The following DNAH11 variants were observed in gnomAD, a reference collection of about 807,000 sequenced individuals.
DNAH11 encodes dynein axonemal heavy chain 11.
Under a neutral mutation model 526.0 loss-of-function variants are expected in DNAH11, and 442 were observed. The ratio of observed to expected loss-of-function variants is 0.84; its 90% CI spans 0.78 to 0.91. The LOEUF (loss-of-function observed/expected upper bound fraction) is 0.91, where lower values mean the gene tolerates loss of function less well. Ranked by LOEUF, DNAH11 falls within the 40% of genes least tolerant of loss-of-function variation. The pLI, the probability that DNAH11 is intolerant of heterozygous loss-of-function variation, is 0.00. For missense variants in DNAH11, 6,989 were observed against 5,448.7 expected, an observed-to-expected ratio of 1.28 and a Z score of -8.90; for synonymous variants, 2,461 against 1,935.9, an observed-to-expected ratio of 1.27 and a Z score of -7.12.
At position 21,589,153 on chromosome 7, in the gene DNAH11, A is replaced by G. The variant is rs186830148; in HGVS notation, c.1974-55A>G. 1,994 of 1,332,148 alleles carry G rather than the reference A, an allele frequency of 1.5e-3. 2 individuals carry two copies. Among genetic ancestry groups the G allele is most frequent in the Non-Finnish European group, 1.9e-3 (1,882 of 977,966 alleles). The allele number at this position is 1,332,148 out of a possible 1,614,324, so 82.5% of individuals were successfully genotyped here. On this transcript the variant is annotated intron_variant, in intron 11 of 81. Transcript: ENST00000409508. ...ATATTGTATTACTATACAATTATTA[A>G]GCGGAAATCTATCTAATATACGTAT... is the stretch of plus-strand genomic sequence containing the variant.
intron 38 of DNAH11, 109 bp from the exon 39 acceptor site, chr7:21,705,351 G>C (rs1177725848): frequency 4.0e-6 from 4 of 1,006,452 alleles, no homozygotes; most frequent in Non-Finnish European, 6.0e-6. Flanking sequence ...ACTGTTGTCA[G>C]TGGGGGCTGG....
chr7:21,779,220 T>C (rs1787828671), intron 57 of DNAH11, 116 bp downstream of exon 57: 8 of 1,287,458 alleles, frequency 6.2e-6, no homozygotes, highest in South Asian at 1.7e-5. Flanking sequence ...TAAAGAATTA[T>C]TATAGTTACA....
chr7:21,879,715 A>G (rs1314739341), intron 74 of DNAH11, among the ~76,000 whole-genome samples: 1 of 152,166 alleles, frequency 6.6e-6, no homozygotes, highest in Non-Finnish European at 1.5e-5. Context: ...CATACGCCCA[A>G]GCTGATGGGT....
intron 66 of DNAH11, among the ~76,000 whole-genome samples, chr7:21,850,608 C>CTTTTTTTTTTTTTTTTT (rs3062635): frequency 6.4e-5 from 4 of 62,690 alleles, no homozygotes; most frequent in East Asian, 5.2e-4. Flanking sequence ...CTGTCTTCTT[C>CTTTTTTTTTTTTTTTTT]TTTTTTTTTT....
chr7:21,729,665 A>G (rs1215849598), intron 45 of DNAH11, among the ~76,000 whole-genome samples: 1 of 151,596 alleles, frequency 6.6e-6, no homozygotes, highest in East Asian at 1.9e-4. Flanking sequence ...TCCTTGCCAC[A>G]TTATGACAAG....
At chr7:21,836,356 C>T (rs1423911821) in intron 65 of DNAH11, among the ~76,000 whole-genome samples, 1 of 152,018 alleles carries the variant, frequency 6.6e-6, no homozygotes, top group African/African-American at 2.4e-5. Context: ...AAGTATACTA[C>T]AAAGCTGTAT....
chr7:21,691,214 G>A (rs1040669548), intron 35 of DNAH11, among the ~76,000 whole-genome samples: 3 of 137,364 alleles, frequency 2.2e-5, no homozygotes, highest in African/African-American at 8.0e-5. Flanking sequence ...GCATTTTATT[G>A]CCAACAGAAC....
At chr7:21,594,531 A>G (rs1013437158) in intron 14 of DNAH11, among the ~76,000 whole-genome samples, 9 of 152,280 alleles carry the variant, frequency 5.9e-5, no homozygotes, top group Non-Finnish European at 1.3e-4. Context: ...GGAGCAGGGC[A>G]AGGGAATTCT....
At chr7:21,815,262 A>C (rs1227860910) in intron 63 of DNAH11, among the ~76,000 whole-genome samples, 1 of 152,168 alleles carries the variant, frequency 6.6e-6, no homozygotes, top group Non-Finnish European at 1.5e-5. Context: ...TAACAAACTA[A>C]AGCACATACC....
chr7:21,738,918 G>A (rs999514600), intron 47 of DNAH11, 52 bp downstream of exon 47: 14 of 1,307,752 alleles, frequency 1.1e-5, no homozygotes, highest in Non-Finnish European at 1.4e-5. Flanking sequence ...AATTATTATG[G>A]ATAATAATTA....
At chr7:21,858,570 G>T (rs1435836478) in intron 68 of DNAH11, among the ~76,000 whole-genome samples, 1 of 152,118 alleles carries the variant, frequency 6.6e-6, no homozygotes, top group African/African-American at 2.4e-5. Flanking sequence ...CAACAACGTG[G>T]ATATGTCACC....
chr7:21,885,142 C>G (rs1265861681), intron 76 of DNAH11, among the ~76,000 whole-genome samples: 1 of 119,344 alleles, frequency 8.4e-6, no homozygotes, highest in Non-Finnish European at 1.7e-5. Context: ...AGGTAAGAAC[C>G]TTATTTGGAT....
At chr7:21,871,251 A>G (rs1182700793) in intron 73 of DNAH11, among the ~76,000 whole-genome samples, 1 of 152,224 alleles carries the variant, frequency 6.6e-6, no homozygotes, top group Non-Finnish European at 1.5e-5. Context: ...TTAACATAAC[A>G]GATATTAAAA....
At chr7:21,823,106 T>C (rs905599484) in intron 65 of DNAH11, among the ~76,000 whole-genome samples, 1 of 152,098 alleles carries the variant, frequency 6.6e-6, no homozygotes, top group African/African-American at 2.4e-5. Context: ...TCCTTTGCTG[T>C]ACAGAAGTTG....
intron 45 of DNAH11, among the ~76,000 whole-genome samples, chr7:21,728,268 TTTTTTTTG>T (rs1785222503): frequency 2.0e-5 from 1 of 50,958 alleles, no homozygotes; most frequent in Non-Finnish European, 4.7e-5. Context: ...TTTTTTTTTT[TTTTTTTTG>T]AGACAGAGTC....
At chr7:21,642,628 T>G (rs1787179953) in intron 28 of DNAH11, among the ~76,000 whole-genome samples, 1 of 152,090 alleles carries the variant, frequency 6.6e-6, no homozygotes, top group Non-Finnish European at 1.5e-5. Context: ...ACAATGCAAT[T>G]TCCCCATAAA....
intron 66 of DNAH11, among the ~76,000 whole-genome samples, chr7:21,847,507 C>T (rs1782461994): frequency 6.6e-6 from 1 of 152,152 alleles, no homozygotes; most frequent in African/African-American, 2.4e-5. Flanking sequence ...CGTTCTGTTA[C>T]TGATTTCTTA....
chr7:21,882,153 G>C (rs1471721364), intron 75 of DNAH11, among the ~76,000 whole-genome samples: 1 of 152,146 alleles, frequency 6.6e-6, no homozygotes, highest in Non-Finnish European at 1.5e-5. Context: ...TATTTCAGCT[G>C]AATCCTATAC....
At chr7:21,718,246 T>C (rs1360848809) in intron 43 of DNAH11, among the ~76,000 whole-genome samples, 2 of 152,176 alleles carry the variant, frequency 1.3e-5, no homozygotes. Flanking sequence ...AGATATGTGT[T>C]TGTTGAATCA....
Sources: allele counts gnomAD v4.1 joint callset (sites outside exome capture counted in the v4.1 genomes callset), GRCh38; gene constraint gnomAD v4.1.1; transcripts MANE v1.5; gene names NCBI Gene and HGNC (gene_info 2026-07-23, HGNC 2026-07-21).